The following EML4 variants were observed in gnomAD, a reference collection of about 807,000 sequenced individuals.
EML4 encodes the protein echinoderm microtubule-associated protein-like 4.
Under a neutral mutation model 129.0 loss-of-function variants are expected in EML4, and 72 were observed. That is an observed-to-expected ratio of 0.56 (90% CI 0.46 to 0.68). The LOEUF is 0.68. EML4 is among the 30% of genes least tolerant of loss of function. EML4 has a pLI of 0.00. For missense variants in EML4, 1,363 were observed against 1,190.6 expected (o/e 1.14, Z -2.13); for synonymous variants, 532 against 405.0 (o/e 1.31, Z -3.77).
In EML4 at chr2:42,304,499, G is replaced by A. The variant is rs755649718; in HGVS notation, c.1915G>A (p.Ala639Thr). 1.2e-6 allele frequency: 2 copies of A among 1,614,048 alleles called. No homozygotes were observed. Among genetic ancestry groups the A allele is most frequent in the African/African-American group, 1.3e-5 (1 of 75,038 alleles). ...TCTTTTCTAGGAACCAGGACACTGT[G>A]CAGATTTTCATCCAAGTGGCACAGT... is the stretch of plus-strand genomic sequence containing the variant. ...TRLVDEPGHC[A>T]DFHPSGTVVA... Residue 639 changes from alanine (A) to threonine (T), a missense_variant, in exon 17 of 23, where the codon GCA (alanine) becomes ACA (threonine). Transcript: ENST00000318522.
chr2:42,221,668 A>G (rs1331121203), intron 1 of EML4, among the ~76,000 whole-genome samples: 1 of 151,718 alleles, frequency 6.6e-6, no homozygotes, highest in Non-Finnish European at 1.5e-5. Flanking sequence ...CAGTGGCGTG[A>G]TCTCGGCTCA....
chr2:42,258,603 T>C (rs1217650658), intron 3 of EML4, among the ~76,000 whole-genome samples: 1 of 152,082 alleles, frequency 6.6e-6, no homozygotes, highest in African/African-American at 2.4e-5. Context: ...TTTCTCCATG[T>C]TGGTGAGGCT....
At position 42,331,337 on chromosome 2, in the gene EML4, TG is replaced by T. The variant is rs1366554789; in HGVS notation, c.*1131del. Reference sequence around the variant, plus strand: ...AGCAGTTTTTTTCTGGTGGAGTTGCTGTAAGTCTTGTAAGTCTAATGTGGCT... The same window carrying T: ...AGCAGTTTTTTTCTGGTGGAGTTGCTTAAGTCTTGTAAGTCTAATGTGGCT... On this transcript the variant is annotated 3_prime_UTR_variant, in exon 23 of 23. Transcript: ENST00000318522. 2.7e-5 allele frequency: 6 copies of T among 223,900 alleles called. No individual in the cohort carries two copies. The highest frequency in any genetic ancestry group is 3.6e-5 in the Non-Finnish European group (4 of 111,986). 13.9% of individuals were successfully genotyped at this position (223,900 alleles called of 1,614,324 possible). A position where few individuals can be genotyped will look rare whatever the true frequency, so the allele number is the denominator to read the frequency against.
intron 11 of EML4, among the ~76,000 whole-genome samples, chr2:42,290,758 T>C (rs1667595127): frequency 6.6e-6 from 1 of 151,866 alleles, no homozygotes; most frequent in Admixed American, 6.6e-5. Context: ...ATTTTCAAAA[T>C]AAAAATAAAA....
At chr2:42,238,185 G>C (rs2104251618) in intron 1 of EML4, among the ~76,000 whole-genome samples, 1 of 152,286 alleles carries the variant, frequency 6.6e-6, no homozygotes, top group South Asian at 2.1e-4. Flanking sequence ...TGTATATGCA[G>C]ATATTCCAAA....
chr2:42,169,967 T>G, intron 1 of EML4: 1 of 278,858 alleles, frequency 3.6e-6, no homozygotes, highest in Non-Finnish European at 6.8e-6. Context: ...TCCCTCCACT[T>G]ACCCCCCTTC....
chr2:42,232,112 A>T (rs1169810397), intron 1 of EML4, among the ~76,000 whole-genome samples: 1 of 152,188 alleles, frequency 6.6e-6, no homozygotes, highest in Non-Finnish European at 1.5e-5. Context: ...CAGAAAAGAG[A>T]GAAGATGATT....
intron 1 of EML4, among the ~76,000 whole-genome samples, chr2:42,200,650 A>C (rs1404668801): frequency 6.6e-6 from 1 of 152,222 alleles, no homozygotes; most frequent in Non-Finnish European, 1.5e-5. Context: ...CTTTCTTTGT[A>C]GAGACAGTAA....
intron 7 of EML4, 98 bp downstream of exon 7, chr2:42,281,071 A>AG: frequency 1.0e-6 from 1 of 1,003,588 alleles, no homozygotes; most frequent in African/African-American, 1.7e-5. Flanking sequence ...ATACAAAAAA[A>AG]AAAAGTAACA....
chr2:42,291,163 T>TG (rs1667619960), intron 11 of EML4, among the ~76,000 whole-genome samples: 1 of 152,204 alleles, frequency 6.6e-6, no homozygotes. Context: ...TGAATGGTGC[T>TG]GGCTTAATTG....
At chr2:42,188,761 G>A (rs1447542471) in intron 1 of EML4, among the ~76,000 whole-genome samples, 1 of 152,012 alleles carries the variant, frequency 6.6e-6, no homozygotes, top group African/African-American at 2.4e-5. Flanking sequence ...ACTGACCTCA[G>A]GTGATCTGCC....
chr2:42,204,047 A>G (rs909738224), intron 1 of EML4, among the ~76,000 whole-genome samples: 18 of 152,098 alleles, frequency 1.2e-4, no homozygotes, highest in Admixed American at 2.0e-4. Context: ...AGCCCTCCGA[A>G]TAGCTAGGAC....
intron 1 of EML4, among the ~76,000 whole-genome samples, chr2:42,180,970 G>A (rs1270222156): frequency 6.6e-6 from 1 of 152,120 alleles, no homozygotes; most frequent in Non-Finnish European, 1.5e-5. Context: ...GTTTCATCCT[G>A]ATTAGATTCA....
chr2:42,252,861 C>G (rs1230721611), intron 2 of EML4, among the ~76,000 whole-genome samples: 1 of 152,134 alleles, frequency 6.6e-6, no homozygotes, highest in Admixed American at 6.5e-5. Flanking sequence ...TGTGTCCTTT[C>G]TTTGCACTTC....
At chr2:42,210,322 GTCCCTC>G (rs1323243054) in intron 1 of EML4, among the ~76,000 whole-genome samples, 1 of 152,120 alleles carries the variant, frequency 6.6e-6, no homozygotes, top group Non-Finnish European at 1.5e-5. Flanking sequence ...ATTGTAGAAT[GTCCCTC>G]TTTTGGAATT....
intron 1 of EML4, among the ~76,000 whole-genome samples, chr2:42,199,087 C>T (rs187561310): frequency 6.6e-6 from 1 of 152,218 alleles, no homozygotes; most frequent in Admixed American, 6.5e-5. Flanking sequence ...AGTGGAAGAA[C>T]ATTAACACCA....
chr2:42,176,984 G>C (rs1670643132), intron 1 of EML4, among the ~76,000 whole-genome samples: 1 of 152,018 alleles, frequency 6.6e-6, no homozygotes, highest in Non-Finnish European at 1.5e-5. Context: ...AGTAGAGACG[G>C]GTTTCACCAT....
chr2:42,237,634 A>G (rs887786686), intron 1 of EML4, among the ~76,000 whole-genome samples: 2 of 152,210 alleles, frequency 1.3e-5, no homozygotes, highest in Admixed American at 6.5e-5. Context: ...ATAGCCTACT[A>G]TTGACCAGAA....
intron 1 of EML4, among the ~76,000 whole-genome samples, chr2:42,223,073 G>A (rs1446774452): frequency 2.6e-5 from 4 of 152,004 alleles, no homozygotes; most frequent in Non-Finnish European, 5.9e-5. Flanking sequence ...CCAAAGTGCT[G>A]GGATTACAGA....
Sources: allele counts gnomAD v4.1 joint callset (sites outside exome capture counted in the v4.1 genomes callset), GRCh38; gene constraint gnomAD v4.1.1; transcripts MANE v1.5; gene names NCBI Gene and HGNC (gene_info 2026-07-23, HGNC 2026-07-21).